The following RTRAF variants were observed in gnomAD, a reference collection of about 807,000 sequenced individuals.
RTRAF encodes RNA transcription, translation and transport factor.
In RTRAF, 14 loss-of-function variants were observed where a neutral mutation model predicts 34.4. The observed-to-expected ratio is 0.41, with a 90% CI of 0.27 to 0.64. The LOEUF is 0.64. RTRAF is among the 30% of genes least tolerant of loss of function. RTRAF has a pLI of 0.34. For missense variants in RTRAF, 291 were observed against 288.4 expected, an observed-to-expected ratio of 1.01 and a Z score of -0.06; for synonymous variants, 96 against 95.3, an observed-to-expected ratio of 1.01 and a Z score of -0.04.
At chr14:51,997,718 G>A (rs1890541843) in intron 3 of RTRAF, among the ~76,000 whole-genome samples, 1 of 151,772 alleles carries the variant, frequency 6.6e-6, no homozygotes, top group African/African-American at 2.4e-5. Context: ...TGTATTTGAT[G>A]TATTGATTTT....
chr14:52,007,511 T>G lies in RTRAF; in HGVS notation c.*2995T>G. Reference sequence around the variant, plus strand: ...ACCCTCTCCCCGCATAAGAATAACTTCACTTAAGTTTGTCAATTCAACAAT... The same window carrying G: ...ACCCTCTCCCCGCATAAGAATAACTGCACTTAAGTTTGTCAATTCAACAAT... On this transcript the variant is annotated 3_prime_UTR_variant, in exon 8 of 8. Transcript: ENST00000261700. 1 of 351,934 alleles carries G rather than the reference T, an allele frequency of 2.8e-6. No individual in the cohort carries two copies. 21.8% of individuals were successfully genotyped at this position (351,934 alleles called of 1,614,324 possible). A position where few individuals can be genotyped will look rare whatever the true frequency, so the allele number is the denominator to read the frequency against.
Position 52,005,616 on chromosome 14 carries a change from C to A in RTRAF, c.*1100C>A. The A allele has an allele frequency of 7.0e-7, 1 of 1,430,678 alleles. No individual in the cohort carries two copies. The highest frequency in any genetic ancestry group is 9.8e-7 in the Non-Finnish European group (1 of 1,020,352). The allele number at this position is 1,430,678 out of a possible 1,614,324, so 88.6% of individuals were successfully genotyped here. A position where few individuals can be genotyped will look rare whatever the true frequency, so the allele number is the denominator to read the frequency against. Reference sequence around the variant, plus strand: ...GTAGATTTAAGGTAGTAAAGACTGGCCCTCAGGGCAGGAAGAAGGCAATGG... The same window carrying A: ...GTAGATTTAAGGTAGTAAAGACTGGACCTCAGGGCAGGAAGAAGGCAATGG... On this transcript the variant is annotated 3_prime_UTR_variant, in exon 8 of 8. Transcript: ENST00000261700.
At chr14:51,995,707 A>G (rs1302635201) in intron 3 of RTRAF, among the ~76,000 whole-genome samples, 1 of 152,160 alleles carries the variant, frequency 6.6e-6, no homozygotes, top group Non-Finnish European at 1.5e-5. Context: ...TTGGAGCATC[A>G]GCCAATTTTT....
Position 52,008,039 on chromosome 14 carries a change from C to G in RTRAF, c.*3523C>G, listed in dbSNP as rs1890859681. The G allele has an allele frequency of 8.2e-7, 1 of 1,221,030 alleles. No homozygotes were observed. Among genetic ancestry groups the G allele is most frequent in the Admixed American group, 2.3e-5 (1 of 42,590 alleles). 75.6% of individuals were successfully genotyped at this position (1,221,030 alleles called of 1,614,324 possible). A position where few individuals can be genotyped will look rare whatever the true frequency, so the allele number is the denominator to read the frequency against. ...TGGTAGGCAGCATCTAAGCAGCCCC[C>G]AGTGATCTCCATCTCCTCATGTATT... On this transcript the variant is annotated 3_prime_UTR_variant, in exon 8 of 8. Coordinates refer to ENST00000261700, the MANE Select transcript of RTRAF (RefSeq NM_016039.3).
At chr14:51,994,385 T>C (rs1261887431) in intron 3 of RTRAF, among the ~76,000 whole-genome samples, 1 of 152,240 alleles carries the variant, frequency 6.6e-6, no homozygotes, top group Non-Finnish European at 1.5e-5. Flanking sequence ...GATTATCTTA[T>C]CTGCATCCCC....
chr14:51,999,410 C>A, intron 4 of RTRAF: 1 of 231,472 alleles, frequency 4.3e-6, no homozygotes, highest in South Asian at 1.6e-4. Flanking sequence ...AGATTTTCCT[C>A]ATCTTGCACT....
Position 51,999,716 on chromosome 14 carries a change from C to A in RTRAF, c.382C>A (p.Pro128Thr). ...TTTTTAATCTTTTATAGTAAATAAT[C>A]CTGATTTTAAGGCTGGTGTGATGGC... ...EPLINLDVNNPDFKAGVMALA... is the reference protein window; with the variant it reads ...EPLINLDVNNTDFKAGVMALA... Residue 128 changes from proline (P) to threonine (T), a missense_variant, in exon 5 of 8, where the codon CCT becomes ACT. Transcript: ENST00000261700. 6.2e-7 allele frequency: 1 copy of A among 1,604,416 alleles called. No homozygotes were observed. The highest frequency in any genetic ancestry group is 1.1e-5 in the South Asian group (1 of 90,038).
chr14:51,990,469 C>T (rs1890415142), intron 1 of RTRAF, among the ~76,000 whole-genome samples: 1 of 152,188 alleles, frequency 6.6e-6, no homozygotes, highest in Admixed American at 6.5e-5. Context: ...GATACTCAGA[C>T]CACTGTGTAA....
Position 52,004,557 on chromosome 14 carries a change from G to GGGAACCATACACTTCTGGCATGTTT in RTRAF, c.*46_*70dup. ...AGCTTCTCACCTACTTAGTACAGTTGGGAACCATACACTTCTGGCATGTTT... is the reference window on the plus strand; with the variant it reads ...AGCTTCTCACCTACTTAGTACAGTTGGGAACCATACACTTCTGGCATGTTTGGAACCATACACTTCTGGCATGTTT... On this transcript the variant is annotated 3_prime_UTR_variant, in exon 8 of 8. Coordinates refer to ENST00000261700, the MANE Select transcript of RTRAF (RefSeq NM_016039.3). 6.4e-7 allele frequency: 1 copy of GGGAACCATACACTTCTGGCATGTTT among 1,572,976 alleles called. No individual in the cohort carries two copies. The highest frequency in any genetic ancestry group is 8.6e-7 in the Non-Finnish European group (1 of 1,158,656).
At position 52,008,429 on chromosome 14, in the gene RTRAF, G is replaced by C. The variant is rs956592371; in HGVS notation, c.*3913G>C. ...GCCTTGTGAGAGACTCCATGCCTGAGGGAGCTCGGTGAAGACACACTTGGA... is the reference window on the plus strand; with the variant it reads ...GCCTTGTGAGAGACTCCATGCCTGACGGAGCTCGGTGAAGACACACTTGGA... On this transcript the variant is annotated 3_prime_UTR_variant, in exon 8 of 8. Coordinates refer to ENST00000261700, the MANE Select transcript of RTRAF (RefSeq NM_016039.3). 6.5e-6 allele frequency: 1 copy of C among 153,152 alleles called. No individual in the cohort carries two copies. Among genetic ancestry groups the C allele is most frequent in the African/African-American group, 2.4e-5 (1 of 41,460 alleles). The allele number at this position is 153,152 out of a possible 1,614,324, so 9.5% of individuals were successfully genotyped here.
At chr14:51,996,382 T>C (rs556481080) in intron 3 of RTRAF, among the ~76,000 whole-genome samples, 125 of 152,266 alleles carry the variant, frequency 8.2e-4, no homozygotes, top group South Asian at 3.9e-3. Flanking sequence ...TCCTTGACTT[T>C]TAAGTTACTT....
chr14:51,997,057 C>T (rs760553060), intron 3 of RTRAF, among the ~76,000 whole-genome samples: 67 of 152,050 alleles, frequency 4.4e-4, no homozygotes, highest in Middle Eastern at 6.8e-3. Flanking sequence ...TTAGGAGATA[C>T]GTGATAGCGA....
In RTRAF at chr14:52,007,638, A is replaced by G; in HGVS notation, c.*3122A>G. 1.5e-6 allele frequency: 1 copy of G among 655,690 alleles called. No homozygotes were observed. Among genetic ancestry groups the G allele is most frequent in the Non-Finnish European group, 2.6e-6 (1 of 378,682 alleles). The allele number at this position is 655,690 out of a possible 1,614,324, so 40.6% of individuals were successfully genotyped here. A position where few individuals can be genotyped will look rare whatever the true frequency, so the allele number is the denominator to read the frequency against. On this transcript the variant is annotated 3_prime_UTR_variant, in exon 8 of 8. Transcript: ENST00000261700. ...ATCCTTCCCTCCACCCAAACCCCAG[A>G]AAGTTCATTTTAAGACTCATTTACT...
chr14:52,006,589 G>T lies in RTRAF; in HGVS notation c.*2073G>T. ...TCTGCATAGCTTACGATGCTGAAGG[G>T]GTACTTGAGGTTGTTTTGAATGACA... On this transcript the variant is annotated 3_prime_UTR_variant, in exon 8 of 8. Transcript: ENST00000261700. 1 of 1,613,854 alleles carries T rather than the reference G, an allele frequency of 6.2e-7. No homozygotes were observed. Among genetic ancestry groups the T allele is most frequent in the African/African-American group, 1.3e-5 (1 of 75,006 alleles).
rs200245696 is a variant in RTRAF, at chr14:52,007,878, G to A, written c.*3362G>A. On this transcript the variant is annotated 3_prime_UTR_variant, in exon 8 of 8. Coordinates refer to ENST00000261700, the MANE Select transcript of RTRAF (RefSeq NM_016039.3). The stretch of plus-strand genomic sequence containing the variant: ...TAAGCCATTGGGCAATCCAATGTCT[G>A]TATTGATCAGAATTCTTCTGTTTTC... The A allele has an allele frequency of 1.2e-6, 2 of 1,613,686 alleles. No individual in the cohort carries two copies. The highest frequency in any genetic ancestry group is 1.7e-6 in the Non-Finnish European group (2 of 1,179,634).
chr14:52,007,846 C>T lies in RTRAF; in HGVS notation c.*3330C>T. On this transcript the variant is annotated 3_prime_UTR_variant, in exon 8 of 8. Transcript: ENST00000261700. ...CAGCAGAGCAGTTTAGAGAAAGGGT[C>T]AAAGGTTAAGCCATTGGGCAATCCA... 1 of 1,613,904 alleles carries T rather than the reference C, an allele frequency of 6.2e-7. No individual in the cohort carries two copies. Among genetic ancestry groups the T allele is most frequent in the Non-Finnish European group, 8.5e-7 (1 of 1,179,934 alleles).
Position 52,006,515 on chromosome 14 carries a change from G to A in RTRAF, c.*1999G>A, listed in dbSNP as rs758423156. On this transcript the variant is annotated 3_prime_UTR_variant, in exon 8 of 8. Coordinates refer to ENST00000261700, the MANE Select transcript of RTRAF (RefSeq NM_016039.3). ...TGGAACAGTTGGCCTTTTCAGGCTTGTCCAGAATTTGTGGGGCTCACCTCC... is the reference window on the plus strand; with the variant it reads ...TGGAACAGTTGGCCTTTTCAGGCTTATCCAGAATTTGTGGGGCTCACCTCC... 6.2e-7 allele frequency: 1 copy of A among 1,612,828 alleles called. No homozygotes were observed. Among genetic ancestry groups the A allele is most frequent in the African/African-American group, 1.3e-5 (1 of 75,006 alleles).
chr14:52,003,932 AT>A (rs1313092679), intron 6 of RTRAF: 4 of 456,756 alleles, frequency 8.8e-6, no homozygotes, highest in African/African-American at 8.0e-5. Context: ...ATTGTTTTGT[AT>A]GCCTGGGCTA....
chr14:51,994,891 T>G (rs1274803829), intron 3 of RTRAF, among the ~76,000 whole-genome samples: 1 of 152,052 alleles, frequency 6.6e-6, no homozygotes. Flanking sequence ...CTCTGTTTCT[T>G]TGTTCACACT....
Sources: allele counts gnomAD v4.1 joint callset (sites outside exome capture counted in the v4.1 genomes callset), GRCh38; gene constraint gnomAD v4.1.1; transcripts MANE v1.5; gene names NCBI Gene and HGNC (gene_info 2026-07-23, HGNC 2026-07-21).